TYR: variants seen among roughly 807,000 people sequenced by gnomAD.
TYR encodes tyrosinase.
In TYR, 58 loss-of-function variants were observed where a neutral mutation model predicts 51.5. The ratio of observed to expected loss-of-function variants is 1.13; its 90% CI spans 0.91 to 1.40. The LOEUF (loss-of-function observed/expected upper bound fraction) is 1.40. Among genes scored for constraint, TYR ranks in the 40% most tolerant of loss-of-function variants. The pLI, the probability that TYR is intolerant of heterozygous loss-of-function variation, is 0.00. For synonymous variants in TYR, 263 were observed against 235.2 expected (o/e 1.12, Z -1.08); for missense variants, 732 against 647.4 (o/e 1.13, Z -1.42).
intron 2 of TYR, among the ~76,000 whole-genome samples, chr11:89,206,940 A>G (rs1198330787): frequency 1.3e-5 from 2 of 152,136 alleles, no homozygotes; most frequent in Non-Finnish European, 2.9e-5. Context: ...ATTAAAAACC[A>G]AACTTACCAA....
At chr11:89,249,382 A>T (rs557501653) in intron 3 of TYR, among the ~76,000 whole-genome samples, 83 of 150,368 alleles carry the variant, frequency 5.5e-4, no homozygotes, top group South Asian at 1.5e-3. Context: ...GCCGATACAG[A>T]TGAGTCAGCA....
intron 4 of TYR, among the ~76,000 whole-genome samples, chr11:89,289,870 G>A (rs1944836475): frequency 1.3e-5 from 2 of 152,012 alleles, no homozygotes; most frequent in Admixed American, 6.6e-5. Context: ...AACTCAAATT[G>A]TAAGCTGATT....
chr11:89,241,163 G>T (rs1254227541), intron 3 of TYR, among the ~76,000 whole-genome samples: 1 of 152,186 alleles, frequency 6.6e-6, no homozygotes, highest in African/African-American at 2.4e-5. Flanking sequence ...CTTGGATGGT[G>T]GGAGAGGGTG....
chr11:89,270,478 C>T (rs1944575576), intron 3 of TYR, among the ~76,000 whole-genome samples: 1 of 151,832 alleles, frequency 6.6e-6, no homozygotes, highest in Non-Finnish European at 1.5e-5. Context: ...AGACAAGCAC[C>T]TTTCCTCATT....
chr11:89,195,348 T>C (rs1367344251), intron 2 of TYR, among the ~76,000 whole-genome samples: 1 of 152,140 alleles, frequency 6.6e-6, no homozygotes, highest in Non-Finnish European at 1.5e-5. Context: ...ATTTCATTGC[T>C]GAAATAGTGA....
chr11:89,237,416 A>G (rs974938084), intron 3 of TYR, among the ~76,000 whole-genome samples: 4 of 152,086 alleles, frequency 2.6e-5, no homozygotes, highest in Non-Finnish European at 4.4e-5. Flanking sequence ...ATTATTCTGA[A>G]TGTGACTATC....
intron 2 of TYR, among the ~76,000 whole-genome samples, chr11:89,208,202 G>A (rs543105512): frequency 5.3e-4 from 80 of 152,304 alleles, no homozygotes; most frequent in Non-Finnish European, 3.1e-4. Context: ...TCCAGGAGGC[G>A]GAGCCTGCAG....
intron 3 of TYR, among the ~76,000 whole-genome samples, chr11:89,273,657 G>A (rs1179808417): frequency 4.0e-5 from 6 of 151,816 alleles, no homozygotes; most frequent in Non-Finnish European, 7.4e-5. Flanking sequence ...CCTTCAATTC[G>A]TAAACAATGT....
At chr11:89,251,492 A>G (rs1944330270) in intron 3 of TYR, among the ~76,000 whole-genome samples, 1 of 151,956 alleles carries the variant, frequency 6.6e-6, no homozygotes, top group Admixed American at 6.6e-5. Flanking sequence ...ACAATCTAGA[A>G]TAACAATAAG....
intron 3 of TYR, among the ~76,000 whole-genome samples, chr11:89,272,970 G>C (rs976770109): frequency 2.0e-5 from 3 of 151,918 alleles, no homozygotes; most frequent in African/African-American, 7.2e-5. Flanking sequence ...TAGCTTAAGG[G>C]AAGTTTGTAG....
intron 4 of TYR, among the ~76,000 whole-genome samples, chr11:89,288,081 A>G (rs1486560147): frequency 2.0e-5 from 3 of 151,988 alleles, no homozygotes; most frequent in Non-Finnish European, 4.4e-5. Flanking sequence ...TTTGTTATAC[A>G]GTGAAATGAA....
chr11:89,245,411 G>A (rs1053534105), intron 3 of TYR, among the ~76,000 whole-genome samples: 3 of 152,158 alleles, frequency 2.0e-5, no homozygotes, highest in African/African-American at 7.2e-5. Flanking sequence ...GGTTTAGATG[G>A]AGGCTTAATA....
At chr11:89,186,370 G>C (rs1943372807) in intron 1 of TYR, among the ~76,000 whole-genome samples, 1 of 152,108 alleles carries the variant, frequency 6.6e-6, no homozygotes, top group South Asian at 2.1e-4. Context: ...TGAAGTTATA[G>C]GGACAATGGA....
At chr11:89,268,634 A>G (rs889436099) in intron 3 of TYR, among the ~76,000 whole-genome samples, 1 of 151,934 alleles carries the variant, frequency 6.6e-6, no homozygotes, top group Non-Finnish European at 1.5e-5. Flanking sequence ...TAATACACAC[A>G]TCCATTATAA....
intron 3 of TYR, among the ~76,000 whole-genome samples, chr11:89,244,646 G>A (rs567603453): frequency 3.3e-5 from 5 of 152,178 alleles, no homozygotes; most frequent in East Asian, 3.9e-4. Flanking sequence ...GTGCACCTTC[G>A]ATAAATGTCA....
intron 1 of TYR, among the ~76,000 whole-genome samples, chr11:89,187,903 A>G (rs950521029): frequency 1.3e-5 from 2 of 151,834 alleles, no homozygotes; most frequent in South Asian, 2.1e-4. Context: ...AAATATATAC[A>G]CCATATTGCC....
chr11:89,250,252 C>T (rs1354905359), intron 3 of TYR, among the ~76,000 whole-genome samples: 1 of 151,918 alleles, frequency 6.6e-6, no homozygotes, highest in African/African-American at 2.4e-5. Context: ...CAAGGCATTT[C>T]CATGTAACCA....
intron 2 of TYR, among the ~76,000 whole-genome samples, chr11:89,212,004 T>C (rs1010799394): frequency 4.6e-5 from 7 of 152,054 alleles, no homozygotes; most frequent in Admixed American, 2.6e-4. Flanking sequence ...AGGAAATATC[T>C]AAAATTGACA....
At chr11:89,258,658 A>G (rs181682953) in intron 3 of TYR, among the ~76,000 whole-genome samples, 184 of 152,244 alleles carry the variant, frequency 1.2e-3, no homozygotes, top group Non-Finnish European at 1.8e-3. Flanking sequence ...TATTGGGTGA[A>G]TTTAAGAAAA....
Sources: gnomAD v4.1 joint callset for allele counts (sites outside exome capture counted in the v4.1 genomes callset) on GRCh38, gnomAD v4.1.1 for gene constraint, MANE v1.5 for transcripts, NCBI Gene and HGNC (gene_info 2026-07-23, HGNC 2026-07-21) for gene names.